The following CD72 variants were observed in gnomAD, a reference collection of about 807,000 sequenced individuals.
CD72 encodes CD72 molecule.
CD72 carries 28 observed loss-of-function variants against 50.7 expected under a neutral mutation model. That is an observed-to-expected ratio of 0.55 (90% CI 0.41 to 0.76). CD72 has a LOEUF of 0.76. Ranked by LOEUF, CD72 falls within the 30% of genes least tolerant of loss-of-function variation. The pLI, the probability that CD72 is intolerant of heterozygous loss-of-function variation, is 0.00. For synonymous variants in CD72, 176 were observed against 171.2 expected, an observed-to-expected ratio of 1.03 and a Z score of -0.22; for missense variants, 403 against 420.6, an observed-to-expected ratio of 0.96 and a Z score of 0.37.
chr9:35,619,737 T>C (rs891986515), upstream of CD72, among the ~76,000 whole-genome samples: 3 of 152,190 alleles, frequency 2.0e-5, no homozygotes, highest in African/African-American at 7.2e-5. Flanking sequence ...GGTGAGCGGC[T>C]ATGTCAGAGC....
chr9:35,612,014 G>C (rs574602963), intron 6 of CD72, 95 bp from the exon 7 acceptor site: 159 of 714,680 alleles, frequency 2.2e-4, no homozygotes, highest in South Asian at 5.7e-4. Flanking sequence ...CTTTGGCAAG[G>C]GGGCTGTATA....
chr9:35,624,486 C>T (rs2131776881), upstream of CD72, among the ~76,000 whole-genome samples: 1 of 152,114 alleles, frequency 6.6e-6, no homozygotes, highest in African/African-American at 2.4e-5. Context: ...ATTCTCCATA[C>T]CTAGCGATCG....
At chr9:35,641,540 G>T (rs75114316) in intron 1 of CD72, among the ~76,000 whole-genome samples, 18,908 of 152,144 alleles carry the variant, frequency 0.12, 1,587 homozygotes, top group East Asian at 0.4. Context: ...AATTTCCATT[G>T]GTTAGCTGCA....
intron 1 of CD72, among the ~76,000 whole-genome samples, chr9:35,635,743 T>TG (rs1240332902): frequency 6.6e-6 from 1 of 152,192 alleles, no homozygotes; most frequent in Non-Finnish European, 1.5e-5. Flanking sequence ...CTCTGAGACT[T>TG]GCTTTCTTCC....
chr9:35,612,987 C>G lies in CD72; in HGVS notation c.695G>C (p.Cys232Ser). ...ATGCATTATCCATCCCGACGGACAG[C>G]AGGTGTCTAAAAAGCAGAAAGAGTG... The part of the protein sequence containing the change: ...PFFTCGSADT[C>S]CPSGWIMHQK... Residue 232 changes from cysteine to serine, a missense_variant, in exon 6 of 9, where the codon TGC becomes TCC. Physicochemically the swap from Cys to Ser is moderately radical, Grantham distance 112. Transcript: ENST00000259633. 1.9e-6 allele frequency: 3 copies of G among 1,608,714 alleles called. No homozygotes were observed. The highest frequency in any genetic ancestry group is 2.6e-6 in the Non-Finnish European group (3 of 1,176,426).
chr9:35,624,214 AAATAATAATAATAATAATAATAAT>A (rs58480562), upstream of CD72, among the ~76,000 whole-genome samples: 203 of 137,844 alleles, frequency 1.5e-3, 2 homozygotes, highest in African/African-American at 5.1e-3. Flanking sequence ...TCTGTCTCAA[AAATAATAATAATAATAATAATAAT>A]AATAATAATA....
At chr9:35,611,247 T>C (rs1249553233) in intron 7 of CD72, among the ~76,000 whole-genome samples, 3 of 142,724 alleles carry the variant, frequency 2.1e-5, no homozygotes, top group African/African-American at 7.9e-5. Context: ...CGAGACTCCA[T>C]CTCAAAAAAA....
Position 35,617,186 on chromosome 9 carries a change from C to A in CD72, c.252G>T (p.Arg84=). The change falls in exon 3 of 9, where the codon CGG becomes CGT. Residue 84 remains arginine (R), a synonymous_variant. Transcript: ENST00000259633. ...WRAVTSPAVG[R]ILPCRTTCLR... ...CACAGGCACACTCACAGGGGAGAATCCGCCCGACAGCTGGTGACGTCACGG... is the reference window on the plus strand; with the variant it reads ...CACAGGCACACTCACAGGGGAGAATACGCCCGACAGCTGGTGACGTCACGG... The A allele has an allele frequency of 6.4e-7, 1 of 1,565,392 alleles. No individual in the cohort carries two copies. Among genetic ancestry groups the A allele is most frequent in the Non-Finnish European group, 8.7e-7 (1 of 1,154,598 alleles).
intron 1 of CD72, chr9:35,643,250 G>T (rs1343183121): frequency 2.0e-5 from 3 of 152,418 alleles, no homozygotes; most frequent in African/African-American, 7.2e-5. Flanking sequence ...CATTCCTAAA[G>T]CTCCTGGAGC....
chr9:35,635,839 C>G (rs1190507765), intron 1 of CD72, among the ~76,000 whole-genome samples: 1 of 152,168 alleles, frequency 6.6e-6, no homozygotes, highest in African/African-American at 2.4e-5. Flanking sequence ...GAGGAGCCCA[C>G]TTAAAGTTTG....
At chr9:35,642,740 T>C (rs1235551553) in intron 1 of CD72, 1 of 152,206 alleles carries the variant, frequency 6.6e-6, no homozygotes, top group East Asian at 1.9e-4. Context: ...TTAGTGTATA[T>C]AATGGCCTGG....
chr9:35,630,258 G>A (rs1823233442), intron 1 of CD72, among the ~76,000 whole-genome samples: 1 of 151,874 alleles, frequency 6.6e-6, no homozygotes, highest in Non-Finnish European at 1.5e-5. Flanking sequence ...GCCTGGTTTT[G>A]AACTCCTGAC....
At chr9:35,634,833 G>A (rs1823274947) in intron 1 of CD72, among the ~76,000 whole-genome samples, 1 of 152,130 alleles carries the variant, frequency 6.6e-6, no homozygotes, top group South Asian at 2.1e-4. Context: ...TGTTCCATCT[G>A]TTTCAAGAGT....
chr9:35,638,193 T>C (rs1005619556), intron 1 of CD72, among the ~76,000 whole-genome samples: 1 of 152,150 alleles, frequency 6.6e-6, no homozygotes, highest in Non-Finnish European at 1.5e-5. Flanking sequence ...CTGTTCCCAA[T>C]GCGACTTGTC....
chr9:35,612,976 C>G lies in CD72; in HGVS notation c.706G>C (p.Gly236Arg), dbSNP rs758159232. The change falls in exon 6 of 9, where the codon GGA becomes CGA. Residue 236 changes from glycine to arginine, a missense_variant. Transcript: ENST00000259633. ...CGSADTCCPS[G>R]WIMHQKSCFY... ...CAGCTTTTCTGATGCATTATCCATC[C>G]CGACGGACAGCAGGTGTCTAAAAAG... The G allele has an allele frequency of 2.5e-6, 4 of 1,611,698 alleles. No homozygotes were observed. Among genetic ancestry groups the G allele is most frequent in the Non-Finnish European group, 3.4e-6 (4 of 1,178,316 alleles).
chr9:35,624,638 GCACTT>G lies in CD72; in HGVS notation n.409-6522_409-6518del, dbSNP rs377411799. 6.6e-4 allele frequency among the ~76,000 whole-genome samples: 101 copies of G among 152,234 alleles called. 1 individual carries two copies. The East Asian group carries it at 0.017, about 26-fold the overall frequency. ...ATGTCCAGGCACACCTCATTTTATT[GCACTT>G]CACTTATTACGCTTCACAGATACTG... is the stretch of plus-strand genomic sequence containing the variant. On this transcript the variant is annotated intron_variant and non_coding_transcript_variant, in intron 1 of 3. Transcript: ENST00000465754.
chr9:35,614,632 T>C (rs1374563021), intron 5 of CD72, among the ~76,000 whole-genome samples: 4 of 152,178 alleles, frequency 2.6e-5, no homozygotes, highest in Non-Finnish European at 5.9e-5. Context: ...CACACCTTGA[T>C]GCTGACCATG....
At chr9:35,636,551 G>A (rs1198155761) in intron 1 of CD72, among the ~76,000 whole-genome samples, 2 of 152,196 alleles carry the variant, frequency 1.3e-5, no homozygotes, top group African/African-American at 4.8e-5. Context: ...ACAAAACCAA[G>A]CTGGAAGTTT....
At chr9:35,632,872 C>T (rs1005848265) in intron 1 of CD72, among the ~76,000 whole-genome samples, 1 of 151,982 alleles carries the variant, frequency 6.6e-6, no homozygotes, top group African/African-American at 2.4e-5. Context: ...GCCACTGTGC[C>T]CAGCCTTATT....
Sources: gnomAD v4.1 joint callset for allele counts (sites outside exome capture counted in the v4.1 genomes callset) on GRCh38, gnomAD v4.1.1 for gene constraint, MANE v1.5 for transcripts, NCBI Gene and HGNC (gene_info 2026-07-23, HGNC 2026-07-21) for gene names.